Variants in SP3 observed in about 807,000 individuals in gnomAD.
SP3 encodes the protein transcription factor Sp3.
In SP3, 10 loss-of-function variants were observed where a neutral mutation model predicts 70.3. The ratio of observed to expected loss-of-function variants is 0.14; its 90% CI spans 0.09 to 0.24. The LOEUF (loss-of-function observed/expected upper bound fraction) is 0.24, where lower values mean the gene tolerates loss of function less well. Among genes scored for constraint, SP3 ranks in the 10% least tolerant of loss-of-function variants. SP3 has a pLI of 1.00. For synonymous variants in SP3, 402 were observed against 333.5 expected (o/e 1.21, Z -2.24); for missense variants, 825 against 914.6 (o/e 0.90, Z 1.26).
rs898506599 is a variant in SP3 at position 173,900,992 on chromosome 2, A to T, written c.*8949T>A. Among the ~76,000 whole-genome samples, 1 of 152,224 alleles carries T rather than the reference A, an allele frequency of 6.6e-6. No individual in the cohort carries two copies. The highest frequency in any genetic ancestry group is 1.5e-5 in the Non-Finnish European group (1 of 68,032). ...AGAGCAAGGGGTCAAGAACAGTCAAAACCATTTTGAAATACAGAGAAGGGT... is the reference window on the plus strand; with the variant it reads ...AGAGCAAGGGGTCAAGAACAGTCAATACCATTTTGAAATACAGAGAAGGGT... On this transcript the variant is annotated 3_prime_UTR_variant, in exon 7 of 7. Transcript: ENST00000310015.
At chr2:173,963,724 CCGGCCT>C (rs1277029615) in intron 3 of SP3, 31 bp downstream of exon 3, 1 of 873,958 alleles carries the variant, frequency 1.1e-6, no homozygotes, top group African/African-American at 1.8e-5. Context: ...TGGCGGGCGC[CCGGCCT>C]CGGCGGGGGC....
intron 4 of SP3, among the ~76,000 whole-genome samples, chr2:173,941,549 A>G (rs537472325): frequency 3.7e-4 from 57 of 152,208 alleles, no homozygotes; most frequent in Non-Finnish European, 7.2e-4. Flanking sequence ...GGTCCAGGCC[A>G]GTGATCATGC....
At chr2:173,944,745 G>A (rs1286614052) in intron 4 of SP3, among the ~76,000 whole-genome samples, 1 of 151,892 alleles carries the variant, frequency 6.6e-6, no homozygotes. Context: ...TAAATTATGG[G>A]GTAAATTTGG....
chr2:173,908,337 CTTA>C lies in SP3; in HGVS notation c.*1601_*1603del, dbSNP rs1325363452. 6.6e-6 allele frequency: 1 copy of C among 152,266 alleles called. No homozygotes were observed. The highest frequency in any genetic ancestry group is 2.4e-5 in the African/African-American group (1 of 41,440). The allele number at this position is 152,266 out of a possible 1,614,324, so 9.4% of individuals were successfully genotyped here. A position where few individuals can be genotyped will look rare whatever the true frequency, so the allele number is the denominator to read the frequency against. ...AAAAATTTTATTTAATAAGCTCATT[CTTA>C]TTTACTCTAGGTAAAAAATTAGTAA... On this transcript the variant is annotated 3_prime_UTR_variant, in exon 7 of 7. Transcript: ENST00000310015.
Position 173,956,035 on chromosome 2 carries a change from A to T in SP3, c.477T>A (p.Asp159Glu). ...QQIFSVAPGS[D>E]SSNGTVSSVQ... ...CACTGGACACTGTACCATTTGATGA[A>T]TCTGATCCTGGTGCAACGGAAAATA... The change falls in exon 4 of 7, where the codon GAT (aspartate) becomes GAA (glutamate). Residue 159 changes from aspartate (D) to glutamate (E), a missense_variant. By Grantham distance (45) the Asp-to-Glu change is conservative. This residue lies in a region of SP3 where 678 missense variants were observed against 651.6 expected (regional missense o/e 1.04). Transcript: ENST00000310015. 6.2e-7 allele frequency: 1 copy of T among 1,614,188 alleles called. No homozygotes were observed. The highest frequency in any genetic ancestry group is 8.5e-7 in the Non-Finnish European group (1 of 1,180,018).
chr2:173,951,185 T>C (rs1204156641), intron 4 of SP3, among the ~76,000 whole-genome samples: 4 of 152,216 alleles, frequency 2.6e-5, no homozygotes, highest in East Asian at 1.9e-4. Context: ...CTAACACCTA[T>C]AGAACGCTGT....
intron 4 of SP3, among the ~76,000 whole-genome samples, chr2:173,931,965 C>T (rs572375404): frequency 4.6e-5 from 7 of 152,168 alleles, no homozygotes; most frequent in Non-Finnish European, 1.0e-4. Context: ...TTTCTTATCA[C>T]GTGTTCACTG....
At chr2:173,922,553 A>G (rs2105463621) in intron 4 of SP3, among the ~76,000 whole-genome samples, 1 of 152,014 alleles carries the variant, frequency 6.6e-6, no homozygotes, top group Admixed American at 6.5e-5. Context: ...TATAATGTAG[A>G]CAGGAGGAAA....
rs768468767 is a variant in SP3, at chr2:173,955,813, T to C, written c.699A>G (p.Gln233=). 3 of 1,614,232 alleles carry C rather than the reference T, an allele frequency of 1.9e-6. No individual in the cohort carries two copies. The highest frequency in any genetic ancestry group is 2.5e-6 in the Non-Finnish European group (3 of 1,180,034). Reference sequence around the variant, plus strand: ...CAATTGCAACTCCCTGAACCTGGACTTGACCAGTCTGTGGTATGAGATTCT... The same window carrying C: ...CAATTGCAACTCCCTGAACCTGGACCTGACCAGTCTGTGGTATGAGATTCT... ...NIQNLIPQTG[Q]VQVQGVAIGG... The change falls in exon 4 of 7, where the codon CAA becomes CAG. Residue 233 remains glutamine, a synonymous_variant. Transcript: ENST00000310015.
chr2:173,901,473 C>T lies in SP3; in HGVS notation c.*8468G>A, dbSNP rs1364464825. On this transcript the variant is annotated 3_prime_UTR_variant, in exon 7 of 7. Transcript: ENST00000310015. ...ATCAATGCAAAAAATTGCAAATAAC[C>T]CCAAAAAGCAAGTGGGCAAAGGATT... Among the ~76,000 whole-genome samples the T allele has an allele frequency of 6.6e-6, 1 of 151,798 alleles. No homozygotes were observed. The highest frequency in any genetic ancestry group is 2.4e-5 in the African/African-American group (1 of 41,326).
intron 4 of SP3, among the ~76,000 whole-genome samples, chr2:173,948,149 T>C (rs927456186): frequency 6.6e-6 from 1 of 152,172 alleles, no homozygotes; most frequent in Admixed American, 6.5e-5. Context: ...TTATCTATAT[T>C]AATAGCTAAT....
At position 173,906,912 on chromosome 2, in the gene SP3, CTGTT is replaced by C. The variant is rs560172408; in HGVS notation, c.*3025_*3028del. 29 of 152,316 alleles carry C rather than the reference CTGTT, an allele frequency of 1.9e-4. No individual in the cohort carries two copies. Among genetic ancestry groups the C allele is most frequent in the African/African-American group, 6.7e-4 (28 of 41,582 alleles). 9.4% of individuals were successfully genotyped at this position (152,316 alleles called of 1,614,324 possible). On this transcript the variant is annotated 3_prime_UTR_variant, in exon 7 of 7. Transcript: ENST00000310015. ...CCCCAGCAATTTCTAATGAACAATA[CTGTT>C]TAAGAACTATTTTCTATGAAATAGG...
intron 3 of SP3, among the ~76,000 whole-genome samples, chr2:173,962,466 T>C (rs1176055362): frequency 1.3e-5 from 2 of 152,224 alleles, no homozygotes; most frequent in African/African-American, 4.8e-5. Context: ...TGAAATGAGG[T>C]GAACAGAAGG....
intron 4 of SP3, among the ~76,000 whole-genome samples, chr2:173,948,646 T>C (rs1690618523): frequency 6.6e-6 from 1 of 152,194 alleles, no homozygotes; most frequent in Admixed American, 6.5e-5. Context: ...GTCTTATTCC[T>C]AAGAGATAAG....
intron 4 of SP3, among the ~76,000 whole-genome samples, chr2:173,950,298 G>C (rs1287559291): frequency 6.6e-6 from 1 of 151,226 alleles, no homozygotes; most frequent in East Asian, 1.9e-4. Flanking sequence ...AAACAAAAAG[G>C]CAAGTTCCAG....
At chr2:173,916,071 T>G (rs1375398092) in intron 5 of SP3, 3 of 152,104 alleles carry the variant, frequency 2.0e-5, no homozygotes, top group Non-Finnish European at 4.4e-5. Flanking sequence ...CTACCTATGT[T>G]ATGCTTCTAT....
rs945298158 is a variant in SP3 at position 173,909,257 on chromosome 2, A to G, written c.*684T>C. 1 of 152,544 alleles carries G rather than the reference A, an allele frequency of 6.6e-6. No individual in the cohort carries two copies. The highest frequency in any genetic ancestry group is 2.4e-5 in the African/African-American group (1 of 41,448). The allele number at this position is 152,544 out of a possible 1,614,324, so 9.4% of individuals were successfully genotyped here. A position where few individuals can be genotyped will look rare whatever the true frequency, so the allele number is the denominator to read the frequency against. ...GTTATATTGCCCAACTTCGTTATTG[A>G]AAGAATATTAACAAGACATTATTTT... On this transcript the variant is annotated 3_prime_UTR_variant, in exon 7 of 7. Transcript: ENST00000310015.
chr2:173,964,579 G>T, intron 1 of SP3, 26 bp from the exon 2 acceptor site: 1 of 667,872 alleles, frequency 1.5e-6, no homozygotes, highest in Non-Finnish European at 2.8e-6. Context: ...GGGGGGGTGG[G>T]GGTGGGGAGG....
At chr2:173,932,593 A>G (rs541235968) in intron 4 of SP3, among the ~76,000 whole-genome samples, 2 of 152,324 alleles carry the variant, frequency 1.3e-5, no homozygotes, top group East Asian at 1.9e-4. Flanking sequence ...TACAACCTTT[A>G]TATCAATTAA....
Sources: gnomAD v4.1 joint callset for allele counts (sites outside exome capture counted in the v4.1 genomes callset) on GRCh38, gnomAD v4.1.1 for gene constraint, gnomAD v4.1.1 regional missense constraint, MANE v1.5 for transcripts, NCBI Gene and HGNC (gene_info 2026-07-23, HGNC 2026-07-21) for gene names.